FAS: variants seen among roughly 807,000 people sequenced by gnomAD.
FAS encodes Fas cell surface death receptor.
In FAS, 5 loss-of-function variants were observed where a neutral mutation model predicts 33.2. That is an observed-to-expected ratio of 0.15 (90% CI 0.08 to 0.32). FAS has a LOEUF of 0.32. Ranked by LOEUF, FAS falls within the 10% of genes least tolerant of loss-of-function variation. The pLI, the probability that FAS is intolerant of heterozygous loss-of-function variation, is 1.00. For synonymous variants in FAS, 131 were observed against 130.7 expected (o/e 1.00, Z -0.01); for missense variants, 339 against 386.0 (o/e 0.88, Z 1.02).
At position 89,010,937 on chromosome 10, in the gene FAS, T is replaced by C. The variant is rs368142850; in HGVS notation, c.568+122T>C. 34 of 1,182,090 alleles carry C rather than the reference T, an allele frequency of 2.9e-5. No homozygotes were observed. The African/African-American group carries it at 4.2e-4, about 15-fold the overall frequency. The allele number at this position is 1,182,090 out of a possible 1,614,324, so 73.2% of individuals were successfully genotyped here. On this transcript the variant is annotated intron_variant, in intron 6 of 8. Transcript: ENST00000652046. ...GGTAGATTTATGTATTGTTAATTTC[T>C]TGCCCCTGAATGCAGCCTTGAGAGC...
intron 3 of FAS, among the ~76,000 whole-genome samples, 153 bp from the exon 4 acceptor site, chr10:89,008,736 C>T (rs1180613647): frequency 2.0e-5 from 3 of 152,206 alleles, no homozygotes; most frequent in African/African-American, 7.2e-5. Flanking sequence ...GTTTCCTGTT[C>T]TGTGTTTAAA....
upstream of FAS, among the ~76,000 whole-genome samples, chr10:88,987,717 T>G (rs1396744453): frequency 6.6e-6 from 1 of 152,228 alleles, no homozygotes; most frequent in Non-Finnish European, 1.5e-5. Flanking sequence ...TCCCTCCACC[T>G]ACACATATAC....
chr10:89,009,105 G>A, intron 4 of FAS, 108 bp downstream of exon 4: 1 of 1,075,756 alleles, frequency 9.3e-7, no homozygotes, highest in South Asian at 1.3e-5. Context: ...TTCTAGTCCT[G>A]CTTTGCCTCC....
intron 1 of FAS, among the ~76,000 whole-genome samples, chr10:88,995,534 A>C (rs1363988855): frequency 6.6e-6 from 1 of 152,168 alleles, no homozygotes; most frequent in Non-Finnish European, 1.5e-5. Context: ...ATAAGATTAT[A>C]CCTTTAGGCT....
Position 88,967,932 on chromosome 10 carries a change from GT to G in FAS, n.95-5249del, listed in dbSNP as rs146733153. Among the ~76,000 whole-genome samples, 1,178 of 152,162 alleles carry G rather than the reference GT, an allele frequency of 7.7e-3. 12 individuals carry two copies. The highest frequency in any genetic ancestry group is 0.027 in the African/African-American group (1,101 of 41,504). ...TGAATGATATCTCAAGAGTTTGTTA[GT>G]ATGATTATCATACTTCAAGTTTATG... is the stretch of plus-strand genomic sequence containing the variant. On this transcript the variant is annotated intron_variant and non_coding_transcript_variant, in intron 1 of 3. Transcript: ENST00000688239.
chr10:89,011,629 T>C (rs1848533029), intron 6 of FAS, among the ~76,000 whole-genome samples: 1 of 152,232 alleles, frequency 6.6e-6, no homozygotes, highest in African/African-American at 2.4e-5. Flanking sequence ...GTATTTCATT[T>C]CTGGGCATCC....
At position 89,008,995 on chromosome 10, in the gene FAS, C is replaced by T. The variant is rs1848391889; in HGVS notation, c.441C>T (p.Thr147=). The change falls in exon 4 of 9, where the codon ACC becomes ACT. Residue 147 remains threonine (T), a splice_region_variant and synonymous_variant. Transcript: ENST00000652046. ...TATGTGAACACTGTGACCCTTGCAC[C>T]AAGTAAGTTTTAGTCTTTCTCTGAT... The part of the protein sequence containing the change: ...STVCEHCDPC[T]KCEHGIIKEC... 6.2e-7 allele frequency: 1 copy of T among 1,611,070 alleles called. No homozygotes were observed. Among genetic ancestry groups the T allele is most frequent in the African/African-American group, 1.3e-5 (1 of 74,820 alleles).
intron 1 of FAS, 154 bp downstream of exon 1, chr10:88,991,060 G>A: frequency 1.1e-6 from 1 of 919,064 alleles, no homozygotes; most frequent in South Asian, 1.5e-5. Context: ...GTTGGAGACT[G>A]GCTCCCGGGG....
intron 2 of FAS, among the ~76,000 whole-genome samples, chr10:88,981,376 G>T (rs1415903435): frequency 8.7e-6 from 1 of 114,390 alleles, no homozygotes; most frequent in Non-Finnish European, 1.8e-5. Context: ...GGTTAAGAGA[G>T]AAATGACTTT....
chr10:88,988,879 C>T (rs1400889188), upstream of FAS, among the ~76,000 whole-genome samples: 1 of 152,084 alleles, frequency 6.6e-6, no homozygotes, highest in African/African-American at 2.4e-5. Flanking sequence ...ATTAAAGTAA[C>T]CCAGAATTTT....
chr10:88,979,190 A>T (rs17447140), intron 2 of FAS, among the ~76,000 whole-genome samples: 59,525 of 151,860 alleles, frequency 0.39, 13,188 homozygotes, highest in Non-Finnish European at 0.49. Context: ...ATGGGTTATG[A>T]TGTTGTGTAT....
intron 1 of FAS, among the ~76,000 whole-genome samples, chr10:88,968,154 A>G (rs1846354259): frequency 6.6e-6 from 1 of 152,182 alleles, no homozygotes; most frequent in African/African-American, 2.4e-5. Context: ...TGTATTTTGC[A>G]TATTTAATTT....
At chr10:88,999,258 G>T (rs982507934) in intron 1 of FAS, among the ~76,000 whole-genome samples, 2 of 152,082 alleles carry the variant, frequency 1.3e-5, no homozygotes, top group Non-Finnish European at 2.9e-5. Flanking sequence ...CTTCTTTGCT[G>T]CATTCTGAGA....
chr10:88,982,106 G>A (rs1846725904), upstream of FAS, among the ~76,000 whole-genome samples: 1 of 152,224 alleles, frequency 6.6e-6, no homozygotes, highest in Non-Finnish European at 1.5e-5. Context: ...AGAAGCAATT[G>A]CTTTGGTTCA....
At chr10:88,970,482 T>C (rs1488394347) in intron 1 of FAS, among the ~76,000 whole-genome samples, 1 of 152,176 alleles carries the variant, frequency 6.6e-6, no homozygotes, top group African/African-American at 2.4e-5. Flanking sequence ...ACTACCTGAA[T>C]AGGTCTGGTT....
chr10:88,996,737 T>G (rs969108753), intron 1 of FAS, among the ~76,000 whole-genome samples: 2 of 152,220 alleles, frequency 1.3e-5, no homozygotes, highest in Non-Finnish European at 2.9e-5. Flanking sequence ...CATCATGTTA[T>G]ATACCATAAA....
chr10:88,990,814 T>G lies in FAS; in HGVS notation c.-63T>G, dbSNP rs978224604. 6.2e-7 allele frequency: 1 copy of G among 1,610,480 alleles called. No individual in the cohort carries two copies. The highest frequency in any genetic ancestry group is 8.5e-7 in the Non-Finnish European group (1 of 1,176,862). On this transcript the variant is annotated 5_prime_UTR_variant, in exon 1 of 9. Transcript: ENST00000652046. The surrounding 1 kb of genome is among the most constrained non-coding windows in gnomAD (Gnocchi z 4.9). ...CGGAGCTGCCTCTTCTCCCGCGGGT[T>G]GGTGGACCCGCTCAGTACGGAGTTG...
At chr10:88,970,136 G>A (rs925348112) in intron 1 of FAS, among the ~76,000 whole-genome samples, 3 of 152,104 alleles carry the variant, frequency 2.0e-5, no homozygotes, top group African/African-American at 7.2e-5. Flanking sequence ...TAAAATTCAG[G>A]ATATGATACC....
intron 8 of FAS, 77 bp downstream of exon 8, chr10:89,013,444 T>C (rs1252948190): frequency 1.6e-5 from 22 of 1,346,554 alleles, no homozygotes; most frequent in Non-Finnish European, 2.2e-5. Flanking sequence ...AAAATAATGT[T>C]ACTAATTTCA....
Sources: allele counts gnomAD v4.1 joint callset (sites outside exome capture counted in the v4.1 genomes callset), GRCh38; gene constraint gnomAD v4.1.1; non-coding constraint Gnocchi (gnomAD v3.1); transcripts MANE v1.5; gene names NCBI Gene and HGNC (gene_info 2026-07-23, HGNC 2026-07-21).